Variants in FGF14 observed in about 807,000 individuals in gnomAD.
The protein encoded by FGF14 is fibroblast growth factor 14.
FGF14 carries 5 observed loss-of-function variants against 25.5 expected under a neutral mutation model. The observed-to-expected ratio is 0.20, with a 90% CI of 0.10 to 0.41. FGF14 has a LOEUF of 0.41. FGF14 is among the 10% of genes least tolerant of loss of function. FGF14 has a pLI of 1.00. For synonymous variants in FGF14, 138 were observed against 118.3 expected, an observed-to-expected ratio of 1.17 and a Z score of -1.08; for missense variants, 222 against 320.1, an observed-to-expected ratio of 0.69 and a Z score of 2.34.
At chr13:102,132,121 T>G (rs1183513140) in intron 1 of FGF14, among the ~76,000 whole-genome samples, 1 of 152,144 alleles carries the variant, frequency 6.6e-6, no homozygotes, top group Non-Finnish European at 1.5e-5. Flanking sequence ...CAAATGGGAA[T>G]GTTTTCCATG....
At position 102,075,763 on chromosome 13, in the gene FGF14, T is replaced by C. The variant is rs541788271; in HGVS notation, c.209-200467A>G. Among the ~76,000 whole-genome samples, 62 of 152,280 alleles carry C rather than the reference T, an allele frequency of 4.1e-4. 1 individual carries two copies. The highest frequency in any genetic ancestry group is 3.3e-4 in the Admixed American group (5 of 15,296). On this transcript the variant is annotated intron_variant, in intron 1 of 4. Coordinates refer to the FGF14 transcript ENST00000376131. ...GGAGATGACAGTTCCATGCGTGTGA[T>C]TGCTCCCGAAAACTTTCCAGTGGGA...
At chr13:101,891,273 C>T (rs2138890970) in intron 1 of FGF14, among the ~76,000 whole-genome samples, 1 of 152,264 alleles carries the variant, frequency 6.6e-6, no homozygotes, top group African/African-American at 2.4e-5. Context: ...CCTCACATCA[C>T]ATTGGCCTTC....
chr13:101,738,249 T>C (rs923536804), intron 3 of FGF14, among the ~76,000 whole-genome samples: 1 of 152,190 alleles, frequency 6.6e-6, no homozygotes, highest in African/African-American at 2.4e-5. Context: ...TGCTATTTAG[T>C]AAATATTTAT....
At position 101,956,012 on chromosome 13, in the gene FGF14, C is replaced by T. The variant is rs377006407; in HGVS notation, c.209-80716G>A. 8.4e-4 allele frequency among the ~76,000 whole-genome samples: 128 copies of T among 152,302 alleles called. 1 individual carries two copies. In the Middle Eastern group the frequency reaches 0.014, roughly 16 times the overall value. ...CATTTAAGTATTTGGCAAGTTGGTT[C>T]ACTGGTGAAGACTCAGAGAGAAATA... On this transcript the variant is annotated intron_variant, in intron 1 of 4. Transcript: ENST00000376131.
rs181150844 is a variant in FGF14 at position 101,870,496 on chromosome 13, C to T, written c.305-1668G>A. On this transcript the variant is annotated intron_variant, in intron 2 of 4. Coordinates refer to ENST00000376143, the MANE Select transcript of FGF14 (RefSeq NM_004115.4). ...ACACTCAGAATGATATTTGTAGGTG[C>T]CACATATTTTATATAGGCCAGGTAG... 6.1e-3 allele frequency among the ~76,000 whole-genome samples: 934 copies of T among 152,126 alleles called. 7 individuals are homozygous for T. Among genetic ancestry groups the T allele is most frequent in the Admixed American group, 0.013 (192 of 15,274 alleles).
At chr13:101,855,943 A>G (rs2044107218) in intron 3 of FGF14, among the ~76,000 whole-genome samples, 2 of 150,852 alleles carry the variant, frequency 1.3e-5, no homozygotes, top group Admixed American at 6.6e-5. Context: ...CTCTTGCCCA[A>G]TTCTTCTGTC....
chr13:102,358,346 A>G lies in FGF14; in HGVS notation c.208+43125T>C, dbSNP rs531568577. Among the ~76,000 whole-genome samples, 4 of 152,346 alleles carry G rather than the reference A, an allele frequency of 2.6e-5. No homozygotes were observed. The South Asian group carries it at 8.3e-4, about 32-fold the overall frequency. ...TTTGTACTTAGTAGACATTGACACC[A>G]TAACAGTTATAAAGATTTTATATTC... On this transcript the variant is annotated intron_variant, in intron 1 of 4. Coordinates refer to the FGF14 transcript ENST00000376131.
At chr13:101,938,089 G>A (rs955761477) in intron 1 of FGF14, among the ~76,000 whole-genome samples, 2 of 152,208 alleles carry the variant, frequency 1.3e-5, no homozygotes, top group Non-Finnish European at 2.9e-5. Context: ...CACCACAGAG[G>A]CCAGGTCCTC....
At chr13:101,739,034 G>A (rs2036370877) in intron 3 of FGF14, among the ~76,000 whole-genome samples, 1 of 147,402 alleles carries the variant, frequency 6.8e-6, no homozygotes, top group East Asian at 2.0e-4. Flanking sequence ...ATATAGGTGT[G>A]TGTGTACCAA....
chr13:102,240,217 T>C (rs2051526846), intron 1 of FGF14, among the ~76,000 whole-genome samples: 1 of 151,986 alleles, frequency 6.6e-6, no homozygotes, highest in Admixed American at 6.6e-5. Flanking sequence ...TGAACAGGAG[T>C]TTAGAAGGTA....
intron 3 of FGF14, chr13:101,868,425 C>G (rs183734071): frequency 5.0e-4 from 145 of 290,888 alleles, no homozygotes; most frequent in Middle Eastern, 3.7e-3. Context: ...ATAAGAAACT[C>G]TCTAAGATAA....
At chr13:101,875,988 T>C (rs1456936987) in intron 1 of FGF14, among the ~76,000 whole-genome samples, 2 of 152,036 alleles carry the variant, frequency 1.3e-5, no homozygotes, top group African/African-American at 2.4e-5. Context: ...ATAGAGAAAT[T>C]AGACAAATTA....
chr13:102,193,769 T>C (rs188463941), intron 1 of FGF14, among the ~76,000 whole-genome samples: 20 of 152,240 alleles, frequency 1.3e-4, no homozygotes, highest in Admixed American at 1.1e-3. Flanking sequence ...TAGCAAACTG[T>C]GAAGAATGGG....
intron 1 of FGF14, among the ~76,000 whole-genome samples, chr13:102,282,798 A>G (rs991450610): frequency 6.6e-6 from 1 of 151,096 alleles, no homozygotes; most frequent in African/African-American, 2.4e-5. Flanking sequence ...CTCATATTCC[A>G]TTGGCCAAGG....
At chr13:102,156,051 T>C (rs1034185380) in intron 1 of FGF14, among the ~76,000 whole-genome samples, 29 of 152,146 alleles carry the variant, frequency 1.9e-4, no homozygotes, top group African/African-American at 6.8e-4. Context: ...CAGGACCAGA[T>C]GGATTCACAG....
intron 1 of FGF14, among the ~76,000 whole-genome samples, chr13:101,952,663 C>A (rs1466974464): frequency 6.6e-6 from 1 of 152,120 alleles, no homozygotes; most frequent in South Asian, 2.1e-4. Context: ...ATCAAAGAAA[C>A]CTGGCACCAA....
chr13:102,158,462 T>C (rs933239796), intron 1 of FGF14, among the ~76,000 whole-genome samples: 27 of 150,350 alleles, frequency 1.8e-4, no homozygotes, highest in African/African-American at 4.9e-4. Flanking sequence ...TAGGTGGGAA[T>C]TGAACAATGA....
At chr13:101,927,335 AAC>A (rs895715423) in intron 1 of FGF14, among the ~76,000 whole-genome samples, 10 of 152,206 alleles carry the variant, frequency 6.6e-5, no homozygotes, top group African/African-American at 2.4e-4. Context: ...AAACTGTCCA[AAC>A]ACAAATTTTT....
At chr13:102,397,973 T>G (rs942514020) in intron 1 of FGF14, among the ~76,000 whole-genome samples, 5 of 151,946 alleles carry the variant, frequency 3.3e-5, no homozygotes, top group African/African-American at 1.2e-4. Flanking sequence ...TTATTCTAAA[T>G]GCATAGCTGT....
Sources: allele counts gnomAD v4.1 joint callset (sites outside exome capture counted in the v4.1 genomes callset), GRCh38; gene constraint gnomAD v4.1.1; transcripts MANE v1.5; gene names NCBI Gene and HGNC (gene_info 2026-07-23, HGNC 2026-07-21).